Variants in DIAPH2 observed in about 807,000 individuals in gnomAD.
DIAPH2 encodes the protein protein diaphanous homolog 2.
DIAPH2 carries 35 observed loss-of-function variants against 92.7 expected under a neutral mutation model. The observed-to-expected ratio is 0.38, with a 90% CI of 0.29 to 0.50. The LOEUF (loss-of-function observed/expected upper bound fraction) is 0.50. DIAPH2 is among the 20% of genes least tolerant of loss of function. The pLI, the probability that DIAPH2 is intolerant of heterozygous loss-of-function variation, is 0.94. For missense variants in DIAPH2, 701 were observed against 819.5 expected, an observed-to-expected ratio of 0.86 and a Z score of 1.77; for synonymous variants, 301 against 280.4, an observed-to-expected ratio of 1.07 and a Z score of -0.73.
intron 23 of DIAPH2, among the ~76,000 whole-genome samples, chrX:97,336,523 A>G (rs894643601): frequency 3.6e-5 from 4 of 110,280 alleles, no homozygotes; most frequent in Non-Finnish European, 7.6e-5. Context: ...TGCTGGTATT[A>G]CAGTTGTGAG....
chrX:97,404,956 G>A (rs937976429), intron 25 of DIAPH2, among the ~76,000 whole-genome samples: 1 of 111,872 alleles, frequency 8.9e-6, no homozygotes, highest in African/African-American at 3.2e-5. Flanking sequence ...ATGTGCTTAC[G>A]ATAGAAAAAA....
chrX:97,185,475 A>G (rs1368242727), intron 22 of DIAPH2, among the ~76,000 whole-genome samples: 3 of 1,341 alleles, frequency 2.2e-3, no homozygotes, highest in African/African-American at 4.6e-3. Flanking sequence ...ATATATACAC[A>G]TATATATATA....
intron 21 of DIAPH2, among the ~76,000 whole-genome samples, chrX:97,120,456 T>C (rs977376445): frequency 1.8e-5 from 2 of 109,905 alleles, no homozygotes; most frequent in African/African-American, 6.6e-5. Context: ...TCCTGGTTTA[T>C]CCCTGCAGTC....
At chrX:96,919,349 A>G (rs2065526039) in intron 9 of DIAPH2, among the ~76,000 whole-genome samples, 1 of 112,157 alleles carries the variant, frequency 8.9e-6, no homozygotes, top group African/African-American at 3.2e-5. Context: ...GAATAAGTTG[A>G]ATGAGATTAA....
At chrX:97,540,037 A>G (rs1041954328) in intron 26 of DIAPH2, among the ~76,000 whole-genome samples, 4 of 111,994 alleles carry the variant, frequency 3.6e-5, no homozygotes, top group Non-Finnish European at 5.6e-5. Flanking sequence ...TTTGCTTTCC[A>G]GAAGCATTAA....
chrX:97,262,482 G>A (rs1002346646), intron 23 of DIAPH2, among the ~76,000 whole-genome samples: 4 of 112,283 alleles, frequency 3.6e-5, no homozygotes, highest in Admixed American at 9.5e-5. Context: ...GAGGGAGAAC[G>A]TAGAAGGAGC....
chrX:97,062,402 G>A (rs765132986), intron 17 of DIAPH2, among the ~76,000 whole-genome samples: 18 of 112,035 alleles, frequency 1.6e-4, no homozygotes, highest in Non-Finnish European at 2.4e-4. Flanking sequence ...TACCTGAGGA[G>A]CTCTTAAGAG....
intron 20 of DIAPH2, among the ~76,000 whole-genome samples, chrX:97,111,219 C>G (rs2066978293): frequency 8.9e-6 from 1 of 111,963 alleles, no homozygotes; most frequent in African/African-American, 3.3e-5. Flanking sequence ...AACAAGACCG[C>G]TTTACAGGAA....
intron 19 of DIAPH2, among the ~76,000 whole-genome samples, chrX:97,097,603 A>G (rs2066878374): frequency 8.9e-6 from 1 of 112,118 alleles, no homozygotes; most frequent in African/African-American, 3.2e-5. Flanking sequence ...TTCATTCCAC[A>G]ATACTTATTT....
chrX:97,367,644 C>A (rs2069393916), intron 24 of DIAPH2, among the ~76,000 whole-genome samples: 1 of 110,409 alleles, frequency 9.1e-6, no homozygotes, highest in Non-Finnish European at 1.9e-5. Flanking sequence ...GAAACATATA[C>A]CTATAGAGCC....
At chrX:97,547,342 GA>G (rs1293982568) in intron 26 of DIAPH2, among the ~76,000 whole-genome samples, 3 of 111,865 alleles carry the variant, frequency 2.7e-5, no homozygotes, top group African/African-American at 9.8e-5. Flanking sequence ...TGGTTAAGTT[GA>G]ATAGAGTTTG....
rs776213363 is a variant in DIAPH2, at chrX:97,410,615, G to A, written c.3146-19035G>A. 4.5e-5 allele frequency among the ~76,000 whole-genome samples: 5 copies of A among 111,850 alleles called. No homozygotes were observed. In the East Asian group the frequency reaches 8.5e-4, roughly 19 times the overall value. On this transcript the variant is annotated intron_variant, in intron 25 of 26. Transcript: ENST00000324765. ...AAGGTCAGTAATAACAAACTTCTCCGAGCTAAAGGAGGATGTTCAAACCCA... is the reference window on the plus strand; with the variant it reads ...AAGGTCAGTAATAACAAACTTCTCCAAGCTAAAGGAGGATGTTCAAACCCA...
rs1260372552 is a variant in DIAPH2, at chrX:97,249,287, T to C, written c.2844+1448T>C. Among the ~76,000 whole-genome samples, 6 of 111,722 alleles carry C rather than the reference T, an allele frequency of 5.4e-5. No individual in the cohort carries two copies. The Admixed American group carries it at 5.8e-4, about 11-fold the overall frequency. On this transcript the variant is annotated intron_variant, in intron 23 of 26. Coordinates refer to ENST00000324765, the MANE Select transcript of DIAPH2 (RefSeq NM_006729.5). Reference sequence around the variant, plus strand: ...AAAGAAAAGTAATTTCAAACCCTCATGAACTTGGCCTGGACTCCTTATTTT... The same window carrying C: ...AAAGAAAAGTAATTTCAAACCCTCACGAACTTGGCCTGGACTCCTTATTTT...
chrX:96,841,547 C>G (rs1174491185), intron 4 of DIAPH2, among the ~76,000 whole-genome samples: 1 of 111,703 alleles, frequency 9.0e-6, no homozygotes, highest in African/African-American at 3.3e-5. Flanking sequence ...AAAAATAAAT[C>G]TAATCATGTG....
intron 4 of DIAPH2, among the ~76,000 whole-genome samples, chrX:96,790,262 G>T (rs1285114452): frequency 6.4e-5 from 7 of 109,309 alleles, no homozygotes; most frequent in African/African-American, 2.3e-4. Context: ...GTAGAGACAG[G>T]GTTTCTCTAT....
chrX:96,962,884 G>C (rs750263560), intron 16 of DIAPH2, among the ~76,000 whole-genome samples: 1 of 110,334 alleles, frequency 9.1e-6, no homozygotes, highest in African/African-American at 3.3e-5. Context: ...GTTTTCTGTA[G>C]TGTTAACATT....
At chrX:97,275,102 C>G (rs757003480) in intron 23 of DIAPH2, among the ~76,000 whole-genome samples, 10 of 112,425 alleles carry the variant, frequency 8.9e-5, no homozygotes, top group Admixed American at 4.7e-4. Context: ...TCCCCCTTTT[C>G]TACTCGACAA....
chrX:96,939,520 A>ATATATATATGTATATATATGTATG (rs1569431047), intron 12 of DIAPH2, 138 bp downstream of exon 12: 2 of 77,961 alleles, frequency 2.6e-5, no homozygotes, highest in African/African-American at 9.6e-5. Flanking sequence ...ATGTATGTAT[A>ATATATATATGTATATATATGTATG]TATATATATG....
At chrX:97,473,524 C>T (rs1038766576) in intron 26 of DIAPH2, among the ~76,000 whole-genome samples, 11 of 110,835 alleles carry the variant, frequency 9.9e-5, no homozygotes, top group African/African-American at 2.3e-4. Context: ...TTAGTAGAGA[C>T]GGGGTTTCAC....
Sources: allele counts gnomAD v4.1 joint callset (sites outside exome capture counted in the v4.1 genomes callset), GRCh38; gene constraint gnomAD v4.1.1; transcripts MANE v1.5; gene names NCBI Gene and HGNC (gene_info 2026-07-23, HGNC 2026-07-21).